CADM3: variants seen among roughly 807,000 people sequenced by gnomAD.
CADM3 encodes cell adhesion molecule 3.
A neutral mutation model predicts 44.9 loss-of-function variants in CADM3; 11 were observed. The ratio of observed to expected loss-of-function variants is 0.25; its 90% confidence interval spans 0.15 to 0.41. The LOEUF is 0.41. Ranked by LOEUF, CADM3 falls within the 10% of genes least tolerant of loss-of-function variation. CADM3 has a pLI of 1.00. For missense variants in CADM3, 426 were observed against 512.0 expected, an observed-to-expected ratio of 0.83 and a Z score of 1.62; for synonymous variants, 207 against 205.2, an observed-to-expected ratio of 1.01 and a Z score of -0.08.
At chr1:159,200,783 G>C in intron 8 of CADM3, 21 bp from the exon 9 acceptor site, 2 of 1,552,698 alleles carry the variant, frequency 1.3e-6, no homozygotes, top group Non-Finnish European at 1.7e-6. Context: ...CCTGAGAGGA[G>C]AAGCCTCTGT....
intron 7 of CADM3, 39 bp from the exon 8 acceptor site, chr1:159,199,712 C>T (rs936656190): frequency 1.2e-6 from 2 of 1,613,844 alleles, no homozygotes; most frequent in African/African-American, 1.3e-5. Context: ...GATAAGGGCT[C>T]TCCCCAGATC....
Position 159,193,451 on chromosome 1 carries a change from T to G in CADM3, c.411T>G (p.Gly137=). 1 of 1,610,256 alleles carries G rather than the reference T, an allele frequency of 6.2e-7. No individual in the cohort carries two copies. The highest frequency in any genetic ancestry group is 8.5e-7 in the Non-Finnish European group (1 of 1,177,302). The change falls in exon 4 of 9, where the codon GGT becomes GGG. Residue 137 remains glycine, a synonymous_variant. Coordinates refer to ENST00000368125, the MANE Select transcript of CADM3 (RefSeq NM_001127173.3). Reference sequence around the variant, plus strand: ...TTCCACAGAAGCCCATCATCACTGGTTATAAATCTTCATTACGGGAAAAAG... The same window carrying G: ...TTCCACAGAAGCCCATCATCACTGGGTATAAATCTTCATTACGGGAAAAAG... ...LGIPQKPIIT[G]YKSSLREKDT... is the part of the protein sequence containing the mutation.
chr1:159,200,951 AG>A lies in CADM3; in HGVS notation c.*33del. On this transcript the variant is annotated 3_prime_UTR_variant, in exon 9 of 9. Coordinates refer to ENST00000368125, the MANE Select transcript of CADM3 (RefSeq NM_001127173.3). Reference sequence around the variant, plus strand: ...CGCCTGCCCACTTCCTGCGCCCCCCAGGGGCCCTGTGGGGACTGCTGGGGCC... The same window carrying A: ...CGCCTGCCCACTTCCTGCGCCCCCCAGGGCCCTGTGGGGACTGCTGGGGCC... 3.2e-6 allele frequency: 5 copies of A among 1,541,984 alleles called. No individual in the cohort carries two copies. The highest frequency in any genetic ancestry group is 2.3e-5 in the East Asian group (1 of 43,296).
intron 2 of CADM3, among the ~76,000 whole-genome samples, chr1:159,192,370 C>G (rs1270070630): frequency 6.6e-6 from 1 of 152,160 alleles, no homozygotes; most frequent in Admixed American, 6.5e-5. Flanking sequence ...GAAATCCAAA[C>G]TATTTTCTGA....
chr1:159,178,229 AC>A (rs1357171199), intron 1 of CADM3, among the ~76,000 whole-genome samples: 1 of 152,224 alleles, frequency 6.6e-6, no homozygotes, highest in East Asian at 1.9e-4. Flanking sequence ...TGGAGGTGGA[AC>A]CCATGTATAT....
At position 159,191,927 on chromosome 1, in the gene CADM3, C is replaced by T. The variant is rs555827259; in HGVS notation, c.89-9C>T. 6.2e-7 allele frequency: 1 copy of T among 1,613,938 alleles called. No homozygotes were observed. The highest frequency in any genetic ancestry group is 1.3e-5 in the African/African-American group (1 of 75,006). ...TCCTCAGGAAACTAACACTCTTCTA[C>T]TCCTGCAGACAGCCAGCCCTGGACA... On this transcript the variant is annotated splice_polypyrimidine_tract_variant and intron_variant, in intron 1 of 8. Transcript: ENST00000368125.
chr1:159,196,229 G>A lies in CADM3; in HGVS notation c.692-135G>A. On this transcript the variant is annotated intron_variant, in intron 5 of 8. Transcript: ENST00000368125. The stretch of plus-strand genomic sequence containing the variant: ...TAATGGTCCTTGTTCATGAGAAGTA[G>A]GAGAAGGAAGGTCTTTGTTGCACTT... The A allele has an allele frequency of 7.9e-6, 5 of 634,902 alleles. No individual in the cohort carries two copies. The East Asian group carries it at 1.4e-4, about 18-fold the overall frequency. 39.3% of individuals were successfully genotyped at this position (634,902 alleles called of 1,614,324 possible). A position where few individuals can be genotyped will look rare whatever the true frequency, so the allele number is the denominator to read the frequency against.
At chr1:159,194,146 A>G in intron 5 of CADM3, 106 bp downstream of exon 5, 1 of 1,228,108 alleles carries the variant, frequency 8.1e-7, no homozygotes, top group East Asian at 2.4e-5. Context: ...AGTTAAGTGA[A>G]TAGGTAAAAA....
At chr1:159,190,839 A>G (rs1235361254) in intron 1 of CADM3, among the ~76,000 whole-genome samples, 3 of 152,386 alleles carry the variant, frequency 2.0e-5, no homozygotes, top group East Asian at 1.9e-4. Context: ...TTAGTTTCCT[A>G]TTCAGACATA....
At chr1:159,180,335 G>A (rs948556557) in intron 1 of CADM3, among the ~76,000 whole-genome samples, 4 of 152,138 alleles carry the variant, frequency 2.6e-5, no homozygotes, top group Admixed American at 2.0e-4. Flanking sequence ...GTATTGAGGG[G>A]CACATGTCAA....
intron 6 of CADM3, 177 bp from the exon 7 acceptor site, chr1:159,196,714 C>G: frequency 1.5e-6 from 1 of 671,302 alleles, no homozygotes; most frequent in South Asian, 2.0e-5. Context: ...TACAGCTTCC[C>G]CAGAACGAAC....
At chr1:159,176,919 CTCT>C (rs1649040258) in intron 1 of CADM3, among the ~76,000 whole-genome samples, 1 of 152,134 alleles carries the variant, frequency 6.6e-6, no homozygotes, top group Non-Finnish European at 1.5e-5. Flanking sequence ...GAGAACAATA[CTCT>C]TCTTAAGAGG....
chr1:159,194,050 G>A lies in CADM3; in HGVS notation c.691+10G>A. ...CGCATTGAAGTTTTATGTATGTCATGGGCTTGGGGATGAAGAAGGATGAGG... is the reference window on the plus strand; with the variant it reads ...CGCATTGAAGTTTTATGTATGTCATAGGCTTGGGGATGAAGAAGGATGAGG... On this transcript the variant is annotated intron_variant, in intron 5 of 8. Transcript: ENST00000368125. The A allele has an allele frequency of 1.2e-6, 2 of 1,609,948 alleles. No individual in the cohort carries two copies. Among genetic ancestry groups the A allele is most frequent in the Non-Finnish European group, 1.7e-6 (2 of 1,177,026 alleles).
chr1:159,174,443 A>C (rs1557928023), intron 1 of CADM3, among the ~76,000 whole-genome samples: 1 of 152,192 alleles, frequency 6.6e-6, no homozygotes. Context: ...TGTTTGACCA[A>C]AACTATGAGA....
rs369549589 is a variant in CADM3, at chr1:159,196,442, G to A, written c.770G>A (p.Arg257His). Reference protein sequence around the residue: ...GQKLLLHCEGRGNPVPQQYLW... With the variant: ...GQKLLLHCEGHGNPVPQQYLW... Reference sequence around the variant, plus strand: ...AAGCTGTTGCTACACTGTGAGGGTCGCGGCAATCCAGTGTAAGAAGATCCA... The same window carrying A: ...AAGCTGTTGCTACACTGTGAGGGTCACGGCAATCCAGTGTAAGAAGATCCA... The change falls in exon 6 of 9, where the codon CGC becomes CAC. Residue 257 changes from arginine (R) to histidine (H), a missense_variant. Arg to His is a conservative substitution (Grantham distance 29). Coordinates refer to ENST00000368125, the MANE Select transcript of CADM3 (RefSeq NM_001127173.3). 8.4e-5 allele frequency: 135 copies of A among 1,613,848 alleles called. No individual in the cohort carries two copies. Among genetic ancestry groups the A allele is most frequent in the Middle Eastern group, 5.0e-4 (3 of 6,058 alleles).
chr1:159,183,545 C>T (rs1353310551), intron 1 of CADM3, among the ~76,000 whole-genome samples: 1 of 152,186 alleles, frequency 6.6e-6, no homozygotes, highest in Non-Finnish European at 1.5e-5. Flanking sequence ...GCAGCTGAAG[C>T]GTGACTGAGC....
intron 1 of CADM3, among the ~76,000 whole-genome samples, chr1:159,181,096 A>G (rs113080018): frequency 1.7e-4 from 26 of 152,096 alleles, no homozygotes; most frequent in African/African-American, 6.3e-4. Context: ...CCCAGTCTCT[A>G]TTTTCCCATA....
intron 1 of CADM3, among the ~76,000 whole-genome samples, chr1:159,190,635 G>A (rs1183214946): frequency 6.6e-6 from 1 of 152,186 alleles, no homozygotes; most frequent in Non-Finnish European, 1.5e-5. Flanking sequence ...TCAGTCAATA[G>A]CATCAACTCC....
intron 1 of CADM3, among the ~76,000 whole-genome samples, chr1:159,189,532 T>C (rs1649560716): frequency 6.6e-6 from 1 of 152,240 alleles, no homozygotes; most frequent in Non-Finnish European, 1.5e-5. Context: ...ATTCTATGAC[T>C]GACTGATAAA....
Sources: allele counts gnomAD v4.1 joint callset (sites outside exome capture counted in the v4.1 genomes callset), GRCh38; gene constraint gnomAD v4.1.1; transcripts MANE v1.5; gene names NCBI Gene and HGNC (gene_info 2026-07-23, HGNC 2026-07-21).